Variants in CYB5R4 observed in about 807,000 individuals in gnomAD.
The protein encoded by CYB5R4 is cytochrome b5 reductase 4, also known as N-terminal cytochrome b5 and cytochrome b5 oxidoreductase domain-containing protein.
A neutral mutation model predicts 70.2 loss-of-function variants in CYB5R4; 55 were observed. That is an observed-to-expected ratio of 0.78 (90% CI 0.63 to 0.98). CYB5R4 has a LOEUF of 0.98. Ranked by LOEUF, CYB5R4 falls within the 50% of genes least tolerant of loss-of-function variation. CYB5R4 has a pLI of 0.00. For missense variants in CYB5R4, 562 were observed against 612.6 expected, an observed-to-expected ratio of 0.92 and a Z score of 0.87; for synonymous variants, 197 against 199.5, an observed-to-expected ratio of 0.99 and a Z score of 0.11.
At chr6:83,881,973 T>TG (rs1295811935) in intron 2 of CYB5R4, among the ~76,000 whole-genome samples, 1 of 152,196 alleles carries the variant, frequency 6.6e-6, no homozygotes, top group Non-Finnish European at 1.5e-5. Flanking sequence ...TATTGCCGAG[T>TG]GCTCTAAAAT....
At chr6:83,859,941 GCTCCTGCACCCCT>G in intron 1 of CYB5R4, 84 bp downstream of exon 1, 1 of 1,270,830 alleles carries the variant, frequency 7.9e-7, no homozygotes, top group Non-Finnish European at 1.1e-6. Flanking sequence ...CCAACTCCCA[GCTCCTGCACCCCT>G]CTCTAAGCTG....
At chr6:83,888,826 A>G (rs2099460658) in intron 2 of CYB5R4, among the ~76,000 whole-genome samples, 1 of 152,236 alleles carries the variant, frequency 6.6e-6, no homozygotes, top group African/African-American at 2.4e-5. Flanking sequence ...CACTAGTGCC[A>G]CACAGTTAGC....
rs6919738 is a variant in CYB5R4 at position 83,914,591 on chromosome 6, G to A, written c.445+143G>A. ...ATTGCTTTGTCACCCAGGCTGGAGT[G>A]CAGTGGCACCATCTCAGCTCACTGT... On this transcript the variant is annotated intron_variant, in intron 5 of 15. Coordinates refer to ENST00000369681, the MANE Select transcript of CYB5R4 (RefSeq NM_016230.4). 3.0e-5 allele frequency: 20 copies of A among 666,460 alleles called. No individual in the cohort carries two copies. In the Middle Eastern group the frequency reaches 1.4e-3, roughly 48 times the overall value. The allele number at this position is 666,460 out of a possible 1,614,324, so 41.3% of individuals were successfully genotyped here.
chr6:83,879,883 G>A (rs2099459183), intron 2 of CYB5R4, among the ~76,000 whole-genome samples: 4 of 152,124 alleles, frequency 2.6e-5, no homozygotes, highest in African/African-American at 7.2e-5. Flanking sequence ...TTGTGGTGAC[G>A]TCTCATTTTT....
chr6:83,898,480 G>A (rs2099462304), intron 3 of CYB5R4, among the ~76,000 whole-genome samples: 1 of 152,180 alleles, frequency 6.6e-6, no homozygotes, highest in Non-Finnish European at 1.5e-5. Flanking sequence ...CTTTAAAGTA[G>A]TTTTTTCCAG....
chr6:83,960,113 T>C lies in CYB5R4; in HGVS notation c.*235T>C. Reference sequence around the variant, plus strand: ...AAAGTTAATCATGGCAACAAATACATACAGGATTCTTTGTTATGAATCACA... The same window carrying C: ...AAAGTTAATCATGGCAACAAATACACACAGGATTCTTTGTTATGAATCACA... On this transcript the variant is annotated 3_prime_UTR_variant, in exon 16 of 16. Coordinates refer to ENST00000369681, the MANE Select transcript of CYB5R4 (RefSeq NM_016230.4). 1 of 352,118 alleles carries C rather than the reference T, an allele frequency of 2.8e-6. No homozygotes were observed. Among genetic ancestry groups the C allele is most frequent in the Non-Finnish European group, 5.1e-6 (1 of 197,024 alleles). The allele number at this position is 352,118 out of a possible 1,614,324, so 21.8% of individuals were successfully genotyped here. A position where few individuals can be genotyped will look rare whatever the true frequency, so the allele number is the denominator to read the frequency against.
At chr6:83,929,687 A>G (rs571336576) in intron 10 of CYB5R4, among the ~76,000 whole-genome samples, 1 of 152,300 alleles carries the variant, frequency 6.6e-6, no homozygotes, top group Non-Finnish European at 1.5e-5. Flanking sequence ...GAACTTCTCT[A>G]TTAGGGTTCA....
At chr6:83,905,040 T>C (rs2099463546) in intron 3 of CYB5R4, among the ~76,000 whole-genome samples, 1 of 151,672 alleles carries the variant, frequency 6.6e-6, no homozygotes, top group African/African-American at 2.4e-5. Flanking sequence ...TTTTTGTATG[T>C]TTGTTTTGTT....
rs968964899 is a variant in CYB5R4 at position 83,966,343 on chromosome 6, G to A, written c.*6465G>A. 4 of 151,788 alleles carry A rather than the reference G, an allele frequency of 2.6e-5. No individual in the cohort carries two copies. Among genetic ancestry groups the A allele is most frequent in the Non-Finnish European group, 5.9e-5 (4 of 67,946 alleles). The allele number at this position is 151,788 out of a possible 1,614,324, so 9.4% of individuals were successfully genotyped here. On this transcript the variant is annotated 3_prime_UTR_variant, in exon 16 of 16. Coordinates refer to ENST00000369681, the MANE Select transcript of CYB5R4 (RefSeq NM_016230.4). ...GACTAAACTAGAAAGAACATAAGAG[G>A]AAATACATATTATATAAGAAGAAAA...
At chr6:83,904,739 T>C (rs2099463498) in intron 3 of CYB5R4, among the ~76,000 whole-genome samples, 2 of 152,204 alleles carry the variant, frequency 1.3e-5, no homozygotes, top group African/African-American at 4.8e-5. Context: ...GTTCCAGAAT[T>C]TCTGTTTGGT....
chr6:83,949,309 A>G (rs2099471167), intron 14 of CYB5R4, among the ~76,000 whole-genome samples: 1 of 152,068 alleles, frequency 6.6e-6, no homozygotes, highest in Non-Finnish European at 1.5e-5. Context: ...AAACATAATT[A>G]TTGTGTCCCA....
intron 2 of CYB5R4, among the ~76,000 whole-genome samples, chr6:83,886,559 A>G (rs1001541116): frequency 3.3e-5 from 5 of 152,254 alleles, no homozygotes; most frequent in African/African-American, 1.2e-4. Flanking sequence ...TCCCATTTGT[A>G]TGAAATGTCC....
chr6:83,965,830 A>C lies in CYB5R4; in HGVS notation c.*5952A>C, dbSNP rs2099473966. ...GAATCATGGGGGTGGTTTCCCCCAT[A>C]CTGTTCTCATGGTAGAGAATAAGTC... On this transcript the variant is annotated 3_prime_UTR_variant, in exon 16 of 16. Coordinates refer to ENST00000369681, the MANE Select transcript of CYB5R4 (RefSeq NM_016230.4). 1 of 152,126 alleles carries C rather than the reference A, an allele frequency of 6.6e-6. No homozygotes were observed. The highest frequency in any genetic ancestry group is 6.5e-5 in the Admixed American group (1 of 15,278). 9.4% of individuals were successfully genotyped at this position (152,126 alleles called of 1,614,324 possible).
At position 83,962,741 on chromosome 6, in the gene CYB5R4, AT is replaced by A. The variant is rs1267389850; in HGVS notation, c.*2866del. 2.0e-5 allele frequency: 3 copies of A among 152,180 alleles called. No homozygotes were observed. The highest frequency in any genetic ancestry group is 7.2e-5 in the African/African-American group (3 of 41,438). 9.4% of individuals were successfully genotyped at this position (152,180 alleles called of 1,614,324 possible). On this transcript the variant is annotated 3_prime_UTR_variant, in exon 16 of 16. Coordinates refer to ENST00000369681, the MANE Select transcript of CYB5R4 (RefSeq NM_016230.4). ...GAGTTCTTTCAGCCTCATTAGGTAGATTTCAGTTCCTTGCAGTTGTAGGACT... is the reference window on the plus strand; with the variant it reads ...GAGTTCTTTCAGCCTCATTAGGTAGATTCAGTTCCTTGCAGTTGTAGGACT...
intron 15 of CYB5R4, among the ~76,000 whole-genome samples, chr6:83,958,946 C>T (rs2099472880): frequency 6.6e-6 from 1 of 152,086 alleles, no homozygotes; most frequent in African/African-American, 2.4e-5. Flanking sequence ...GAACAATACG[C>T]AGTATTTCTG....
At chr6:83,874,136 C>T (rs1588560054) in intron 2 of CYB5R4, among the ~76,000 whole-genome samples, 1 of 66,080 alleles carries the variant, frequency 1.5e-5, no homozygotes, top group Non-Finnish European at 2.7e-5. Context: ...CTCCCCTCCC[C>T]TCCCTTCCCC....
At chr6:83,881,474 G>A (rs1036152067) in intron 2 of CYB5R4, among the ~76,000 whole-genome samples, 2 of 152,174 alleles carry the variant, frequency 1.3e-5, no homozygotes, top group Admixed American at 6.5e-5. Context: ...ACAACACCCA[G>A]CCTCATACTG....
At chr6:83,951,048 T>G (rs1343593162) in intron 14 of CYB5R4, among the ~76,000 whole-genome samples, 3 of 151,694 alleles carry the variant, frequency 2.0e-5, no homozygotes, top group African/African-American at 7.3e-5. Flanking sequence ...ACAAAATATC[T>G]TACAATTCAC....
chr6:83,957,297 G>T (rs555303251), intron 15 of CYB5R4, among the ~76,000 whole-genome samples: 1 of 152,166 alleles, frequency 6.6e-6, no homozygotes, highest in African/African-American at 2.4e-5. Context: ...GTATCTCAAT[G>T]AGTACTTTAC....
Sources: allele counts gnomAD v4.1 joint callset (sites outside exome capture counted in the v4.1 genomes callset), GRCh38; gene constraint gnomAD v4.1.1; transcripts MANE v1.5; gene names NCBI Gene and HGNC (gene_info 2026-07-23, HGNC 2026-07-21).